STAB1: variants seen among roughly 807,000 people sequenced by gnomAD.
STAB1 encodes stabilin 1.
In STAB1, 250 loss-of-function variants were observed where a neutral mutation model predicts 332.4. The observed-to-expected ratio is 0.75, with a 90% CI of 0.68 to 0.84. The LOEUF is 0.84. Ranked by LOEUF, STAB1 falls within the 40% of genes least tolerant of loss-of-function variation. The pLI is 0.00. For missense variants in STAB1, 3,249 were observed against 3,489.7 expected (o/e 0.93, Z 1.74); for synonymous variants, 1,475 against 1,390.4 (o/e 1.06, Z -1.35).
At chr3:52,501,774 C>T (rs1442505371) in intron 3 of STAB1, 21 bp downstream of exon 3, 3 of 1,546,436 alleles carry the variant, frequency 1.9e-6, no homozygotes, top group Non-Finnish European at 2.6e-6. Flanking sequence ...AAGGGGGACC[C>T]CGCCTTGCGC....
Position 52,513,813 on chromosome 3 carries a change from G to A in STAB1, c.3348+19G>A, listed in dbSNP as rs777261876. On this transcript the variant is annotated intron_variant, in intron 31 of 68. Coordinates refer to ENST00000321725, the MANE Select transcript of STAB1 (RefSeq NM_015136.3). Reference sequence around the variant, plus strand: ...CAGCCAGGTACAGCAGGAGGAGGGTGTGTGCAGGGAAACTTGCAGGCAGGC... The same window carrying A: ...CAGCCAGGTACAGCAGGAGGAGGGTATGTGCAGGGAAACTTGCAGGCAGGC... 7 of 1,613,226 alleles carry A rather than the reference G, an allele frequency of 4.3e-6. No homozygotes were observed. In the Admixed American group the frequency reaches 8.3e-5, roughly 19 times the overall value.
In STAB1 at chr3:52,503,038, C is replaced by T; in HGVS notation, c.623C>T (p.Thr208Ile). The T allele has an allele frequency of 6.2e-7, 1 of 1,602,948 alleles. No homozygotes were observed. The highest frequency in any genetic ancestry group is 8.5e-7 in the Non-Finnish European group (1 of 1,175,850). Residue 208 changes from threonine (T) to isoleucine (I), a missense_variant, in exon 7 of 69, where the codon ACC becomes ATC. Thr to Ile is a moderately conservative substitution (Grantham distance 89). Transcript: ENST00000321725. ...CAGGAGCTGCGCTGTCCCCAGAACACCCAGTGCTCCGCAGAGGCTCCCAGC... is the reference window on the plus strand; with the variant it reads ...CAGGAGCTGCGCTGTCCCCAGAACATCCAGTGCTCCGCAGAGGCTCCCAGC... ...VCQELRCPQN[T>I]QCSAEAPSCR...
At position 52,510,215 on chromosome 3, in the gene STAB1, C is replaced by T. The variant is rs141756234; in HGVS notation, c.2608C>T (p.Arg870Cys). The change falls in exon 24 of 69, where the codon CGT becomes TGT. Residue 870 changes from arginine (R) to cysteine (C), a missense_variant. Arg to Cys is a radical substitution (Grantham distance 180). Coordinates refer to ENST00000321725, the MANE Select transcript of STAB1 (RefSeq NM_015136.3). ...TAGCAACCCCTGCTCCCACCCGGAC[C>T]GTGGAGGCTGCTCAGAGAATGTCAG... ...TPSNPCSHPDRGGCSENAECV... is the reference protein window; with the variant it reads ...TPSNPCSHPDCGGCSENAECV... 7 of 1,613,908 alleles carry T rather than the reference C, an allele frequency of 4.3e-6. No homozygotes were observed. The highest frequency in any genetic ancestry group is 2.2e-5 in the South Asian group (2 of 91,086).
At position 52,501,727 on chromosome 3, in the gene STAB1, C is replaced by G; in HGVS notation, c.305C>G (p.Pro102Arg). 1 of 1,570,284 alleles carries G rather than the reference C, an allele frequency of 6.4e-7. No homozygotes were observed. Among genetic ancestry groups the G allele is most frequent in the Non-Finnish European group, 8.6e-7 (1 of 1,158,560 alleles). Reference protein sequence around the residue: ...RKQVVQKACCPGYWGSRCHEC... With the variant: ...RKQVVQKACCRGYWGSRCHEC... The stretch of plus-strand genomic sequence containing the variant: ...CAAGTGGTGCAGAAGGCCTGCTGCC[C>G]TGGCTACTGGGGTTCCCGGTGCCAT... Residue 102 changes from proline (P) to arginine (R), a missense_variant, in exon 3 of 69, where the codon CCT (proline) becomes CGT (arginine). Pro to Arg is a moderately radical substitution (Grantham distance 103, BLOSUM62 -2). Coordinates refer to ENST00000321725, the MANE Select transcript of STAB1 (RefSeq NM_015136.3).
chr3:52,512,244 C>A (rs1399189704), intron 26 of STAB1, 97 bp from the exon 27 acceptor site: 32 of 1,175,296 alleles, frequency 2.7e-5, no homozygotes, highest in Non-Finnish European at 3.8e-5. Flanking sequence ...GGGGCAGGGG[C>A]TGGGGCTGGG....
Position 52,523,689 on chromosome 3 carries a change from G to A in STAB1, c.7328G>A (p.Trp2443Ter), listed in dbSNP as rs748728975. 1 of 1,612,062 alleles carries A rather than the reference G, an allele frequency of 6.2e-7. No individual in the cohort carries two copies. Among genetic ancestry groups the A allele is most frequent in the Non-Finnish European group, 8.5e-7 (1 of 1,179,258 alleles). The change falls in exon 66 of 69, where the codon TGG (tryptophan) becomes TAG (stop). Residue 2443 changes from tryptophan (W) to a stop codon, truncating the protein, a stop_gained. Transcript: ENST00000321725. LOFTEE classifies it high-confidence loss of function. ...GTVVVSRIIVWDIMAFNGIIH... is the reference protein window; with the variant it reads ...GTVVVSRIIV ...GTTGTGGTTAGCCGTATCATTGTGT[G>A]GGACATCATGGCCTTCAATGGCATC...
chr3:52,521,241 G>A (rs987115195), intron 55 of STAB1, 120 bp from the exon 56 acceptor site: 32 of 1,414,398 alleles, frequency 2.3e-5, no homozygotes, highest in Non-Finnish European at 3.0e-5. Context: ...GGCCTGGAGG[G>A]ATCTTAGCAG....
In STAB1 at chr3:52,519,334, A is replaced by C; in HGVS notation, c.5105A>C (p.His1702Pro). ...CATGAGGCCGTGAACGGCATCCTGCACTTCATTGACCGTGTCCTGCTGCCC... is the reference window on the plus strand; with the variant it reads ...CATGAGGCCGTGAACGGCATCCTGCCCTTCATTGACCGTGTCCTGCTGCCC... ...SDHEAVNGIL[H>P]FIDRVLLPPE... The change falls in exon 49 of 69, where the codon CAC (histidine) becomes CCC (proline). Residue 1702 changes from histidine to proline, a missense_variant. His to Pro is a moderately conservative substitution (Grantham distance 77). Coordinates refer to ENST00000321725, the MANE Select transcript of STAB1 (RefSeq NM_015136.3). 6.2e-7 allele frequency: 1 copy of C among 1,613,078 alleles called. No individual in the cohort carries two copies. Among genetic ancestry groups the C allele is most frequent in the Non-Finnish European group, 8.5e-7 (1 of 1,179,974 alleles).
intron 22 of STAB1, 69 bp from the exon 23 acceptor site, chr3:52,509,801 C>G (rs1391849364): frequency 3.8e-6 from 6 of 1,584,050 alleles, no homozygotes. Flanking sequence ...ATCCCCCAAA[C>G]CCATCCTGGC....
In STAB1 at chr3:52,516,199, G is replaced by A. The variant is rs2078856221; in HGVS notation, c.4105G>A (p.Val1369Met). 6.2e-7 allele frequency: 1 copy of A among 1,612,588 alleles called. No homozygotes were observed. The highest frequency in any genetic ancestry group is 2.2e-5 in the East Asian group (1 of 44,870). Residue 1369 changes from valine (V) to methionine (M), a missense_variant, in exon 38 of 69, where the codon GTG (valine) becomes ATG (methionine). Val to Met is a conservative substitution (Grantham distance 21). Coordinates refer to ENST00000321725, the MANE Select transcript of STAB1 (RefSeq NM_015136.3). Reference protein sequence around the residue: ...HEGFHGTACEVCELGRYGPNC... With the variant: ...HEGFHGTACEMCELGRYGPNC... ...GGGCTTCCATGGAACGGCCTGTGAGGTGTGTGAGCTGGGCCGCTACGGGCC... is the reference window on the plus strand; with the variant it reads ...GGGCTTCCATGGAACGGCCTGTGAGATGTGTGAGCTGGGCCGCTACGGGCC...
chr3:52,524,396 G>T lies in STAB1; in HGVS notation c.*40G>T. The T allele has an allele frequency of 6.2e-7, 1 of 1,612,952 alleles. No individual in the cohort carries two copies. Among genetic ancestry groups the T allele is most frequent in the Non-Finnish European group, 8.5e-7 (1 of 1,179,614 alleles). On this transcript the variant is annotated 3_prime_UTR_variant, in exon 69 of 69. Transcript: ENST00000321725. ...AAAGCAGAAGCATGCACAGGGAGGA[G>T]ACCACTTTTATTGCTTGTCTGGGTG...
chr3:52,504,472 C>A lies in STAB1; in HGVS notation c.1162C>A (p.Arg388=). 4 of 1,614,020 alleles carry A rather than the reference C, an allele frequency of 2.5e-6. No individual in the cohort carries two copies. The highest frequency in any genetic ancestry group is 3.4e-6 in the Non-Finnish European group (4 of 1,179,978). Residue 388 remains arginine, a synonymous_variant, in exon 11 of 69, where the codon CGG becomes AGG. Coordinates refer to ENST00000321725, the MANE Select transcript of STAB1 (RefSeq NM_015136.3). ...VAVAMMDQGC[R]EILTTAGPFT... is the part of the protein sequence containing the mutation. Reference sequence around the variant, plus strand: ...ACCCTGCCCCCCAGACCAGGGCTGCCGGGAAATCCTTACCACAGCGGGCCC... The same window carrying A: ...ACCCTGCCCCCCAGACCAGGGCTGCAGGGAAATCCTTACCACAGCGGGCCC...
At position 52,503,549 on chromosome 3, in the gene STAB1, G is replaced by C. The variant is rs747277163; in HGVS notation, c.891+9G>C. ...ACCAGAAGCCGGGCCAGGTGAGCCAGGGTCCCAGGCCGGAACTGTCCCCAC... is the reference window on the plus strand; with the variant it reads ...ACCAGAAGCCGGGCCAGGTGAGCCACGGTCCCAGGCCGGAACTGTCCCCAC... On this transcript the variant is annotated intron_variant, in intron 8 of 68. Transcript: ENST00000321725. 4.3e-5 allele frequency: 70 copies of C among 1,612,308 alleles called. No individual in the cohort carries two copies. Among genetic ancestry groups the C allele is most frequent in the Admixed American group, 1.0e-4 (6 of 59,962 alleles).
At chr3:52,510,607 G>A in intron 25 of STAB1, 100 bp downstream of exon 25, 2 of 1,453,930 alleles carry the variant, frequency 1.4e-6, no homozygotes, top group South Asian at 2.8e-5. Context: ...TCAGGGTCTG[G>A]AGCCTCAGGT....
chr3:52,512,878 C>A lies in STAB1; in HGVS notation c.3078C>A (p.Pro1026=), dbSNP rs771050493. ...ACCGCCGAGTCACAGCCCTGGTGCC[C>A]TCCGAGGCTGCAGTCCGTCAGCTGA... ...PADRRVTALV[P]SEAAVRQLSP... The change falls in exon 29 of 69, where the codon CCC becomes CCA. Residue 1026 remains proline, a synonymous_variant. Coordinates refer to ENST00000321725, the MANE Select transcript of STAB1 (RefSeq NM_015136.3). 14 of 1,611,662 alleles carry A rather than the reference C, an allele frequency of 8.7e-6. No homozygotes were observed. In the Admixed American group the frequency reaches 1.2e-4, roughly 13 times the overall value.
rs1216944895 is a variant in STAB1 at position 52,519,312 on chromosome 3, G to A, written c.5083G>A (p.Glu1695Lys). The A allele has an allele frequency of 6.2e-7, 1 of 1,612,948 alleles. No individual in the cohort carries two copies. The highest frequency in any genetic ancestry group is 1.3e-5 in the African/African-American group (1 of 74,938). The change falls in exon 49 of 69, where the codon GAG becomes AAG. Residue 1695 changes from glutamate to lysine, a missense_variant. By Grantham distance (56) the Glu-to-Lys change is moderately conservative. Coordinates refer to ENST00000321725, the MANE Select transcript of STAB1 (RefSeq NM_015136.3). The stretch of plus-strand genomic sequence containing the variant: ...CGCGCGCGTGGTGAGCAGCGACCAT[G>A]AGGCCGTGAACGGCATCCTGCACTT... ...DFARVVSSDH[E>K]AVNGILHFID...
intron 29 of STAB1, 81 bp downstream of exon 29, chr3:52,513,039 G>T (rs1207596539): frequency 6.4e-7 from 1 of 1,562,484 alleles, no homozygotes; most frequent in African/African-American, 1.4e-5. Flanking sequence ...AGCCTGGCAG[G>T]CACTCACCCC....
At chr3:52,509,592 G>A in intron 22 of STAB1, 1 of 593,204 alleles carries the variant, frequency 1.7e-6, no homozygotes, top group South Asian at 2.0e-5. Flanking sequence ...AGGGAACTGT[G>A]GCTTAAAGTA....
Position 52,495,422 on chromosome 3 carries a change from G to T in STAB1, c.9G>T (p.Gly3=). The T allele has an allele frequency of 7.5e-7, 1 of 1,340,434 alleles. No homozygotes were observed. The highest frequency in any genetic ancestry group is 9.6e-7 in the Non-Finnish European group (1 of 1,038,938). The allele number at this position is 1,340,434 out of a possible 1,614,324, so 83.0% of individuals were successfully genotyped here. MA[G]PRGLLPLCLL... is the part of the protein sequence containing the mutation. Reference sequence around the variant, plus strand: ...CAGCGTGCCCACCAGCCATGGCGGGGCCCCGGGGCCTCCTCCCACTCTGCC... The same window carrying T: ...CAGCGTGCCCACCAGCCATGGCGGGTCCCCGGGGCCTCCTCCCACTCTGCC... The change falls in exon 1 of 69, where the codon GGG becomes GGT. Residue 3 remains glycine, a synonymous_variant. Coordinates refer to ENST00000321725, the MANE Select transcript of STAB1 (RefSeq NM_015136.3).
Sources: gnomAD v4.1 joint callset for allele counts on GRCh38, gnomAD v4.1.1 for gene constraint, MANE v1.5 for transcripts, NCBI Gene and HGNC (gene_info 2026-07-23, HGNC 2026-07-21) for gene names.